Variants in TCF12 observed in about 807,000 individuals in gnomAD.
TCF12 encodes the protein transcription factor 12, also known as DNA-binding protein HTF4.
A neutral mutation model predicts 86.0 loss-of-function variants in TCF12; 45 were observed. The observed-to-expected ratio is 0.52, with a 90% CI of 0.41 to 0.67. The LOEUF is 0.67. Ranked by LOEUF, TCF12 falls within the 30% of genes least tolerant of loss-of-function variation. The pLI is 0.00. For synonymous variants in TCF12, 330 were observed against 299.6 expected, an observed-to-expected ratio of 1.10 and a Z score of -1.05; for missense variants, 881 against 859.9, an observed-to-expected ratio of 1.02 and a Z score of -0.31.
intron 8 of TCF12, among the ~76,000 whole-genome samples, chr15:57,213,102 G>A (rs1597359382): frequency 6.6e-6 from 1 of 152,202 alleles, no homozygotes; most frequent in Non-Finnish European, 1.5e-5. Flanking sequence ...GAATAGTGAA[G>A]CATAACCAAA....
At chr15:57,118,787 G>A (rs1356275492) in intron 5 of TCF12, among the ~76,000 whole-genome samples, 2 of 152,274 alleles carry the variant, frequency 1.3e-5, no homozygotes, top group Admixed American at 6.5e-5. Flanking sequence ...TGTCTTTAGA[G>A]TTAGCTAGAA....
chr15:57,213,724 G>A (rs1156678779), intron 8 of TCF12, among the ~76,000 whole-genome samples: 1 of 152,116 alleles, frequency 6.6e-6, no homozygotes, highest in Non-Finnish European at 1.5e-5. Context: ...AAAACGGGTG[G>A]CACTTTCTTT....
intron 4 of TCF12, among the ~76,000 whole-genome samples, chr15:57,069,325 A>G (rs758884304): frequency 1.1e-4 from 17 of 152,192 alleles, no homozygotes; most frequent in East Asian, 1.9e-4. Context: ...TTCAGTTTAT[A>G]TGTAATCTAT....
chr15:57,290,999 C>G (rs2062064696), downstream of TCF12: 1 of 152,172 alleles, frequency 6.6e-6, no homozygotes, highest in Non-Finnish European at 1.5e-5. Context: ...CCTTGGCATT[C>G]CACAGTCAAG....
chr15:57,223,351 T>C (rs2058690613), intron 8 of TCF12, among the ~76,000 whole-genome samples: 1 of 151,960 alleles, frequency 6.6e-6, no homozygotes, highest in South Asian at 2.1e-4. Flanking sequence ...TATACTACAT[T>C]GGATCCAATG....
chr15:56,995,979 G>A (rs896206291), intron 3 of TCF12, among the ~76,000 whole-genome samples: 1 of 152,108 alleles, frequency 6.6e-6, no homozygotes, highest in East Asian at 1.9e-4. Flanking sequence ...AGTTTGTTGA[G>A]GGTTTTTATC....
intron 4 of TCF12, among the ~76,000 whole-genome samples, chr15:57,081,568 C>T (rs554979746): frequency 2.0e-5 from 3 of 152,222 alleles, no homozygotes; most frequent in Non-Finnish European, 2.9e-5. Context: ...GTTGGAGCCT[C>T]ACTCTGTCAC....
rs146332248 is a variant in TCF12, at chr15:56,981,936, G to T, written c.148+60838G>T. ...GTGGCTGTCTCGCAGAGGTGGAAGGGGCAGAAGAGGTGGGGAGATAGAATG... is the reference window on the plus strand; with the variant it reads ...GTGGCTGTCTCGCAGAGGTGGAAGGTGCAGAAGAGGTGGGGAGATAGAATG... On this transcript the variant is annotated intron_variant, in intron 3 of 20. Transcript: ENST00000333725. Among the ~76,000 whole-genome samples, 8 of 152,178 alleles carry T rather than the reference G, an allele frequency of 5.3e-5. No individual in the cohort carries two copies. In the East Asian group the frequency reaches 1.4e-3, roughly 26 times the overall value.
rs142902812 is a variant in TCF12, at chr15:57,013,660, C to G, written c.149-50090C>G. Among the ~76,000 whole-genome samples the G allele has an allele frequency of 8.9e-4, 135 of 152,222 alleles. 4 individuals carry two copies. The East Asian group carries it at 0.023, about 26-fold the overall frequency. On this transcript the variant is annotated intron_variant, in intron 3 of 20. Transcript: ENST00000333725. ...CAAAAGTCCTGTAGCTCATGAAGAT[C>G]CGAGCCTGAAACAGTGAAGTAAGAG...
intron 12 of TCF12, among the ~76,000 whole-genome samples, chr15:57,238,612 A>G (rs1489923482): frequency 6.6e-6 from 1 of 152,228 alleles, no homozygotes. Context: ...TTGTATAAAT[A>G]CCAAGATAAA....
chr15:57,113,137 C>G (rs1232457128), intron 5 of TCF12, among the ~76,000 whole-genome samples: 3 of 152,120 alleles, frequency 2.0e-5, no homozygotes, highest in Non-Finnish European at 4.4e-5. Flanking sequence ...TCATCTCTAC[C>G]AAGTATCCCA....
Position 57,041,372 on chromosome 15 carries a change from G to A in TCF12, c.149-22378G>A, listed in dbSNP as rs1346761102. On this transcript the variant is annotated intron_variant, in intron 3 of 20. Coordinates refer to ENST00000333725, the MANE Select transcript of TCF12 (RefSeq NM_207037.2). ...CTTTCTCTTATTTATTTTTTATGTT[G>A]TCTTCAGGTGGATAAATTAGGTGTT... 2.6e-5 allele frequency among the ~76,000 whole-genome samples: 4 copies of A among 151,870 alleles called. No individual in the cohort carries two copies. The East Asian group carries it at 5.8e-4, about 22-fold the overall frequency.
chr15:56,942,220 T>G (rs2060809575), intron 3 of TCF12, among the ~76,000 whole-genome samples: 1 of 152,182 alleles, frequency 6.6e-6, no homozygotes, highest in African/African-American at 2.4e-5. Context: ...TTTTATGATT[T>G]GAATGGAGGC....
chr15:57,286,664 T>C lies in TCF12; in HGVS notation c.*519T>C, dbSNP rs1354837473. 2 of 456,742 alleles carry C rather than the reference T, an allele frequency of 4.4e-6. No individual in the cohort carries two copies. The highest frequency in any genetic ancestry group is 4.4e-6 in the Non-Finnish European group (1 of 226,964). The allele number at this position is 456,742 out of a possible 1,614,324, so 28.3% of individuals were successfully genotyped here. On this transcript the variant is annotated 3_prime_UTR_variant, in exon 21 of 21. Transcript: ENST00000333725. The stretch of plus-strand genomic sequence containing the variant: ...CCATTGGCCCTTAGCATTCCCGGCA[T>C]ACCTATTAGTGTCTTAAAAAGGAAG...
At chr15:56,970,309 A>G (rs1403875074) in intron 3 of TCF12, among the ~76,000 whole-genome samples, 5 of 151,738 alleles carry the variant, frequency 3.3e-5, no homozygotes. Flanking sequence ...GTGAAATCCC[A>G]TCTCTACTAA....
intron 4 of TCF12, among the ~76,000 whole-genome samples, chr15:57,084,866 T>C (rs1252242408): frequency 2.0e-5 from 3 of 152,092 alleles, no homozygotes; most frequent in Non-Finnish European, 4.4e-5. Context: ...CAATAAACCT[T>C]TTACAGGTAT....
intron 3 of TCF12, among the ~76,000 whole-genome samples, chr15:56,970,353 ACCTGTAGTCCCAG>A (rs2062230807): frequency 6.6e-6 from 1 of 151,596 alleles, no homozygotes; most frequent in South Asian, 2.1e-4. Context: ...GGTGGCGCGC[ACCTGTAGTCCCAG>A]CTACTCGGGA....
At chr15:57,008,045 T>G (rs1488687212) in intron 3 of TCF12, among the ~76,000 whole-genome samples, 2 of 151,622 alleles carry the variant, frequency 1.3e-5, no homozygotes, top group Admixed American at 6.6e-5. Flanking sequence ...ACTGCAATCT[T>G]GAACTCCTGG....
At chr15:57,235,025 C>T (rs1046182157) in intron 12 of TCF12, among the ~76,000 whole-genome samples, 1 of 152,080 alleles carries the variant, frequency 6.6e-6, no homozygotes, top group Non-Finnish European at 1.5e-5. Flanking sequence ...GGAGATAAAC[C>T]TCTTTGTATA....
Sources: allele counts gnomAD v4.1 joint callset (sites outside exome capture counted in the v4.1 genomes callset), GRCh38; gene constraint gnomAD v4.1.1; transcripts MANE v1.5; gene names NCBI Gene and HGNC (gene_info 2026-07-23, HGNC 2026-07-21).